The following SPEF2 variants were observed in gnomAD, a reference collection of about 807,000 sequenced individuals.
SPEF2 encodes the protein sperm flagella and cilia-associated protein 2.
SPEF2 carries 187 observed loss-of-function variants against 224.6 expected under a neutral mutation model. That is an observed-to-expected ratio of 0.83 (90% CI 0.74 to 0.94). The LOEUF is 0.94. SPEF2 is among the 40% of genes least tolerant of loss of function. The probability of loss-of-function intolerance (pLI) is 0.00; values close to 1 mark genes in which losing one functional copy is unlikely to be tolerated. For synonymous variants in SPEF2, 715 were observed against 707.3 expected (o/e 1.01, Z -0.17); for missense variants, 2,170 against 2,135.6 (o/e 1.02, Z -0.32).
chr5:35,691,774 A>ATCT (rs374679217), intron 11 of SPEF2, among the ~76,000 whole-genome samples: 1,895 of 152,142 alleles, frequency 0.012, 47 homozygotes, highest in African/African-American at 0.044. Context: ...TTTTATCACA[A>ATCT]TTTTTATCTT....
At chr5:35,810,157 AG>A (rs1340291736) in intron 36 of SPEF2, among the ~76,000 whole-genome samples, 2 of 152,310 alleles carry the variant, frequency 1.3e-5, no homozygotes, top group East Asian at 1.9e-4. Context: ...TTCAAGAGTT[AG>A]CCTTTCCGAA....
At chr5:35,618,751 A>G (rs1372475155) in intron 1 of SPEF2, among the ~76,000 whole-genome samples, 1 of 152,124 alleles carries the variant, frequency 6.6e-6, no homozygotes, top group Non-Finnish European at 1.5e-5. Flanking sequence ...TATCCTAACC[A>G]TGCAGTTGCC....
At chr5:35,745,511 T>C (rs1478745831) in intron 23 of SPEF2, among the ~76,000 whole-genome samples, 2 of 151,918 alleles carry the variant, frequency 1.3e-5, no homozygotes, top group Non-Finnish European at 2.9e-5. Flanking sequence ...GCCCTTAGGT[T>C]TGCATGGGAG....
intron 10 of SPEF2, among the ~76,000 whole-genome samples, chr5:35,690,149 GTAA>G (rs1482538576): frequency 2.6e-5 from 4 of 151,782 alleles, no homozygotes; most frequent in South Asian, 2.1e-4. Context: ...TATAAAATAT[GTAA>G]TAATCAAATC....
intron 36 of SPEF2, among the ~76,000 whole-genome samples, chr5:35,811,282 T>C (rs1758515175): frequency 6.6e-6 from 1 of 152,140 alleles, no homozygotes; most frequent in East Asian, 1.9e-4. Flanking sequence ...TCTTTCAAGA[T>C]AAGAAGAGCA....
Position 35,705,726 on chromosome 5 carries a change from C to A in SPEF2, c.2583C>A (p.Ile861=), listed in dbSNP as rs762059408. The change falls in exon 18 of 37, where the codon ATC becomes ATA. Residue 861 remains isoleucine, a synonymous_variant. Transcript: ENST00000356031. ...AGCCAGAAAATATTTTGATAAAAAT[C>A]AATGCTGAAATAGATAAGGAATCTT... ...FSEPENILIK[I]NAEIDKESLC... 3.2e-6 allele frequency: 5 copies of A among 1,582,296 alleles called. No homozygotes were observed. The highest frequency in any genetic ancestry group is 2.6e-6 in the Non-Finnish European group (3 of 1,165,252).
intron 26 of SPEF2, among the ~76,000 whole-genome samples, chr5:35,764,045 G>A (rs1751731498): frequency 6.6e-6 from 1 of 152,048 alleles, no homozygotes; most frequent in African/African-American, 2.4e-5. Context: ...TGCTTGCAGG[G>A]GCACATGCAA....
intron 26 of SPEF2, among the ~76,000 whole-genome samples, chr5:35,763,903 T>G (rs780019972): frequency 3.9e-5 from 6 of 152,144 alleles, no homozygotes; most frequent in Non-Finnish European, 8.8e-5. Context: ...GAACCAACAT[T>G]TAGGTTATTT....
chr5:35,809,122 C>T (rs969479150), intron 36 of SPEF2, among the ~76,000 whole-genome samples: 19 of 151,942 alleles, frequency 1.3e-4, no homozygotes, highest in African/African-American at 3.9e-4. Flanking sequence ...TAAGTGAGGT[C>T]ATGCATGTAA....
At chr5:35,753,145 A>G (rs1000782458) in intron 23 of SPEF2, among the ~76,000 whole-genome samples, 1 of 151,990 alleles carries the variant, frequency 6.6e-6, no homozygotes, top group Admixed American at 6.6e-5. Flanking sequence ...TTACTTTTAG[A>G]TCACCCCATT....
At chr5:35,620,346 A>G (rs1311191199) in intron 1 of SPEF2, among the ~76,000 whole-genome samples, 1 of 152,136 alleles carries the variant, frequency 6.6e-6, no homozygotes, top group Non-Finnish European at 1.5e-5. Flanking sequence ...AAAAGCAAGA[A>G]CTTGGAGGTT....
intron 13 of SPEF2, 71 bp downstream of exon 13, chr5:35,694,434 C>A: frequency 7.6e-7 from 1 of 1,311,330 alleles, no homozygotes; most frequent in Non-Finnish European, 1.1e-6. Context: ...TATATGTGAG[C>A]ACAAACATGC....
At chr5:35,647,416 C>T (rs1229816318) in intron 5 of SPEF2, among the ~76,000 whole-genome samples, 1 of 151,798 alleles carries the variant, frequency 6.6e-6, no homozygotes, top group African/African-American at 2.4e-5. Context: ...GAACCCACCT[C>T]TAGGGAGGGA....
intron 21 of SPEF2, among the ~76,000 whole-genome samples, chr5:35,736,972 T>C (rs764879025): frequency 6.6e-6 from 1 of 152,256 alleles, no homozygotes; most frequent in African/African-American, 2.4e-5. Context: ...AGTCTGCTTT[T>C]ACTTTGGTTG....
chr5:35,697,903 C>A, intron 15 of SPEF2, 110 bp downstream of exon 15: 1 of 713,094 alleles, frequency 1.4e-6, no homozygotes. Flanking sequence ...ACATTTCACT[C>A]ATCTGTATAT....
intron 33 of SPEF2, among the ~76,000 whole-genome samples, chr5:35,797,172 G>C (rs1043454683): frequency 3.9e-5 from 6 of 152,190 alleles, no homozygotes; most frequent in Non-Finnish European, 8.8e-5. Flanking sequence ...CAGCAAAACA[G>C]AAAAGGACCT....
intron 9 of SPEF2, among the ~76,000 whole-genome samples, chr5:35,669,011 AAC>A (rs755264484): frequency 6.6e-6 from 1 of 152,052 alleles, no homozygotes; most frequent in Non-Finnish European, 1.5e-5. Context: ...AAGACCCCTG[AAC>A]ACACAGCCTT....
intron 6 of SPEF2, among the ~76,000 whole-genome samples, chr5:35,650,542 A>G (rs1748041495): frequency 6.6e-6 from 1 of 152,184 alleles, no homozygotes; most frequent in Admixed American, 6.5e-5. Context: ...AGACCATCTT[A>G]AACTACTGAA....
chr5:35,784,356 C>T (rs568240490), intron 30 of SPEF2, among the ~76,000 whole-genome samples: 2 of 152,244 alleles, frequency 1.3e-5, no homozygotes, highest in East Asian at 3.9e-4. Flanking sequence ...CCTCCATCTC[C>T]TGACCTCGCG....
Sources: allele counts gnomAD v4.1 joint callset (sites outside exome capture counted in the v4.1 genomes callset), GRCh38; gene constraint gnomAD v4.1.1; transcripts MANE v1.5; gene names NCBI Gene and HGNC (gene_info 2026-07-23, HGNC 2026-07-21).